Variants in MAP2 observed in about 807,000 individuals in gnomAD.
The protein encoded by MAP2 is microtubule-associated protein 2.
Under a neutral mutation model 137.6 loss-of-function variants are expected in MAP2, and 14 were observed. That is an observed-to-expected ratio of 0.10 (90% CI 0.07 to 0.16). MAP2 has a LOEUF of 0.16. Among genes scored for constraint, MAP2 ranks in the 10% least tolerant of loss-of-function variants. The pLI is 1.00. For synonymous variants in MAP2, 786 were observed against 782.3 expected, an observed-to-expected ratio of 1.00 and a Z score of -0.08; for missense variants, 2,088 against 2,191.5, an observed-to-expected ratio of 0.95 and a Z score of 0.94.
chr2:209,537,134 A>G (rs561676683), intron 2 of MAP2, among the ~76,000 whole-genome samples: 2 of 152,244 alleles, frequency 1.3e-5, no homozygotes, highest in South Asian at 4.2e-4. Context: ...CAAGTCTGTC[A>G]GCACCATTTT....
intron 4 of MAP2, among the ~76,000 whole-genome samples, chr2:209,626,434 G>A (rs2092334411): frequency 6.6e-6 from 1 of 152,070 alleles, no homozygotes; most frequent in Admixed American, 6.6e-5. Context: ...ATATATTACA[G>A]CAAATACCTA....
intron 1 of MAP2, among the ~76,000 whole-genome samples, chr2:209,449,393 T>A (rs1401626109): frequency 6.6e-6 from 1 of 152,194 alleles, no homozygotes; most frequent in Non-Finnish European, 1.5e-5. Context: ...GAAAACTGGA[T>A]GTTTAGAGAA....
At chr2:209,558,354 A>T (rs2071170333) in intron 2 of MAP2, among the ~76,000 whole-genome samples, 1 of 151,804 alleles carries the variant, frequency 6.6e-6, no homozygotes, top group African/African-American at 2.4e-5. Context: ...AAGCCCAGCT[A>T]ATTTTTGTAG....
chr2:209,524,634 A>G (rs940379863), intron 2 of MAP2, among the ~76,000 whole-genome samples: 1 of 152,182 alleles, frequency 6.6e-6, no homozygotes, highest in Admixed American at 6.5e-5. Context: ...TCATTATTAT[A>G]TGTGTAAAAT....
chr2:209,623,389 A>G (rs1354529404), intron 3 of MAP2, among the ~76,000 whole-genome samples: 1 of 152,202 alleles, frequency 6.6e-6, no homozygotes, highest in Non-Finnish European at 1.5e-5. Context: ...TAAAAGACAT[A>G]CACATAGAAT....
chr2:209,444,434 C>T (rs1413234473), intron 1 of MAP2, among the ~76,000 whole-genome samples: 1 of 151,416 alleles, frequency 6.6e-6, no homozygotes, highest in Non-Finnish European at 1.5e-5. Flanking sequence ...ATGACAAGTA[C>T]GTGAGACTGT....
chr2:209,605,159 G>A (rs2084275096), intron 3 of MAP2, among the ~76,000 whole-genome samples: 1 of 152,100 alleles, frequency 6.6e-6, no homozygotes, highest in South Asian at 2.1e-4. Flanking sequence ...GTTTCTCCTA[G>A]CTACTGTTCA....
chr2:209,710,121 T>C lies in MAP2; in HGVS notation c.4940T>C (p.Ile1647Thr), dbSNP rs761542779. 6.2e-7 allele frequency: 1 copy of C among 1,614,070 alleles called. No homozygotes were observed. Among genetic ancestry groups the C allele is most frequent in the East Asian group, 2.2e-5 (1 of 44,860 alleles). ...CCGAGTGAGAAGAAGGTCGCCATCA[T>C]ACGTACTCCTCCAAAATCTCCTGCG... ...LVPSEKKVAI[I>T]RTPPKSPATP... Residue 1647 changes from isoleucine to threonine, a missense_variant, in exon 13 of 16, where the codon ATA (isoleucine) becomes ACA (threonine). Physicochemically the swap from Ile to Thr is moderately conservative, Grantham distance 89. Around this residue, in one of 6 missense-constraint regions of MAP2, gnomAD observed 591 missense variants for 642.6 expected, o/e 0.92. Coordinates refer to ENST00000682079, the MANE Select transcript of MAP2 (RefSeq NM_001375505.1).
chr2:209,502,293 T>G (rs552697424), intron 1 of MAP2, among the ~76,000 whole-genome samples: 135 of 152,306 alleles, frequency 8.9e-4, no homozygotes, highest in Non-Finnish European at 1.4e-3. Flanking sequence ...TCTACTCCGC[T>G]TCTATGAGTT....
chr2:209,517,536 C>T (rs2062684114), intron 2 of MAP2, among the ~76,000 whole-genome samples: 1 of 151,816 alleles, frequency 6.6e-6, no homozygotes, highest in Admixed American at 6.6e-5. Flanking sequence ...GTATCTTCTT[C>T]ATGTACATGT....
At chr2:209,545,687 C>T (rs1336145783) in intron 2 of MAP2, among the ~76,000 whole-genome samples, 1 of 152,064 alleles carries the variant, frequency 6.6e-6, no homozygotes, top group Non-Finnish European at 1.5e-5. Flanking sequence ...TTTTTGTTAA[C>T]AGTTTTAACT....
At chr2:209,434,839 A>ATATGTTATATATATATGT (rs1695316732) in intron 1 of MAP2, among the ~76,000 whole-genome samples, 15 of 115,012 alleles carry the variant, frequency 1.3e-4, no homozygotes, top group South Asian at 5.3e-4. Flanking sequence ...CTCTCTATAT[A>ATATGTTATATATATATGT]TATATATATG....
intron 3 of MAP2, among the ~76,000 whole-genome samples, chr2:209,612,030 T>C (rs1345771280): frequency 1.3e-5 from 2 of 152,322 alleles, no homozygotes; most frequent in Admixed American, 6.5e-5. Context: ...GTCTGTTAGG[T>C]TGCTTTAAGA....
At chr2:209,687,927 G>A (rs1055181542) in intron 7 of MAP2, among the ~76,000 whole-genome samples, 7 of 152,102 alleles carry the variant, frequency 4.6e-5, no homozygotes, top group East Asian at 1.9e-4. Context: ...GTGTCACAGC[G>A]CAGAGTGCAG....
intron 1 of MAP2, among the ~76,000 whole-genome samples, chr2:209,459,318 C>T (rs1032488064): frequency 6.6e-6 from 1 of 152,138 alleles, no homozygotes; most frequent in Non-Finnish European, 1.5e-5. Flanking sequence ...ACATGGAAAG[C>T]CCTAGAACAG....
chr2:209,726,111 A>G (rs528325275), intron 14 of MAP2, among the ~76,000 whole-genome samples: 1 of 152,312 alleles, frequency 6.6e-6, no homozygotes, highest in African/African-American at 2.4e-5. Flanking sequence ...TCATGTATTC[A>G]TATATAATAA....
Position 209,621,181 on chromosome 2 carries a change from C to A in MAP2, c.-106-3872C>A, listed in dbSNP as rs529810446. On this transcript the variant is annotated intron_variant, in intron 3 of 15. Coordinates refer to ENST00000682079, the MANE Select transcript of MAP2 (RefSeq NM_001375505.1). ...TTGCACTCTAGCCTGGCAGCCTGGG[C>A]AACAAGGGTGAAACCAAAGAAAGAC... Among the ~76,000 whole-genome samples, 50 of 150,016 alleles carry A rather than the reference C, an allele frequency of 3.3e-4. No homozygotes were observed. The South Asian group carries it at 0.01, about 31-fold the overall frequency.
At position 209,692,734 on chromosome 2, in the gene MAP2, T is replaced by G. The variant is rs752323320; in HGVS notation, c.564T>G (p.Pro188=). Residue 188 remains proline (P), a synonymous_variant, in exon 8 of 16, where the codon CCT becomes CCG. Coordinates refer to ENST00000682079, the MANE Select transcript of MAP2 (RefSeq NM_001375505.1). ...AGGAGTCAGAGAAGCAAAGTAAGCC[T>G]GGTGAAGACCTTAAACATGCTGCCT... ...KEKESEKQSK[P]GEDLKHAALV... 6.2e-7 allele frequency: 1 copy of G among 1,614,074 alleles called. No homozygotes were observed.
At chr2:209,436,463 A>G (rs965907767) in intron 1 of MAP2, among the ~76,000 whole-genome samples, 14 of 151,682 alleles carry the variant, frequency 9.2e-5, no homozygotes, top group African/African-American at 3.1e-4. Flanking sequence ...AAATTTTATT[A>G]CTAAAAACAA....
Sources: allele counts gnomAD v4.1 joint callset (sites outside exome capture counted in the v4.1 genomes callset), GRCh38; gene constraint gnomAD v4.1.1; regional missense constraint gnomAD v4.1.1; transcripts MANE v1.5; gene names NCBI Gene and HGNC (gene_info 2026-07-23, HGNC 2026-07-21).